Variants in TCF7L1 observed in about 807,000 individuals in gnomAD.
TCF7L1 encodes the protein transcription factor 7 like 1.
Under a neutral mutation model 63.7 loss-of-function variants are expected in TCF7L1, and 18 were observed. The ratio of observed to expected loss-of-function variants is 0.28; its 90% CI spans 0.20 to 0.42. The LOEUF is 0.42. TCF7L1 is among the 10% of genes least tolerant of loss of function. The pLI is 1.00. For synonymous variants in TCF7L1, 355 were observed against 340.9 expected (o/e 1.04, Z -0.46); for missense variants, 654 against 779.3 (o/e 0.84, Z 1.91).
intron 3 of TCF7L1, among the ~76,000 whole-genome samples, chr2:85,231,370 G>A (rs536697300): frequency 6.6e-6 from 1 of 152,366 alleles, no homozygotes; most frequent in Admixed American, 6.5e-5. Flanking sequence ...TGTTGGCTGA[G>A]ATGACAGAGT....
chr2:85,211,979 A>T (rs1679559078), intron 3 of TCF7L1, among the ~76,000 whole-genome samples: 1 of 149,846 alleles, frequency 6.7e-6, no homozygotes, highest in Non-Finnish European at 1.5e-5. Flanking sequence ...AATCCCAGCT[A>T]CTCGGGATGC....
intron 4 of TCF7L1, among the ~76,000 whole-genome samples, chr2:85,298,683 C>G (rs1681891646): frequency 6.6e-6 from 1 of 150,550 alleles, no homozygotes; most frequent in Non-Finnish European, 1.5e-5. Flanking sequence ...TTGGATGCAT[C>G]TGGATTCAGC....
At chr2:85,135,251 GA>G (rs1677565551) in intron 3 of TCF7L1, among the ~76,000 whole-genome samples, 1 of 152,178 alleles carries the variant, frequency 6.6e-6, no homozygotes, top group South Asian at 2.1e-4. Context: ...CCCGCGTTGC[GA>G]GGGGCGCAGC....
At chr2:85,153,215 G>A (rs1213346625) in intron 3 of TCF7L1, among the ~76,000 whole-genome samples, 2 of 152,146 alleles carry the variant, frequency 1.3e-5, no homozygotes, top group East Asian at 3.9e-4. Flanking sequence ...TAGTTGCAAA[G>A]ATTAAATAAG....
chr2:85,259,827 G>C (rs1680815474), intron 3 of TCF7L1, among the ~76,000 whole-genome samples: 1 of 152,154 alleles, frequency 6.6e-6, no homozygotes, highest in African/African-American at 2.4e-5. Context: ...CGGGGATGTT[G>C]AATGAGGAAA....
intron 3 of TCF7L1, among the ~76,000 whole-genome samples, chr2:85,218,883 G>A (rs1679776037): frequency 6.6e-6 from 1 of 152,206 alleles, no homozygotes; most frequent in Admixed American, 6.5e-5. Context: ...GATGTTCAGA[G>A]CCAGGAGCAC....
At chr2:85,196,377 A>C (rs1412985613) in intron 3 of TCF7L1, among the ~76,000 whole-genome samples, 2 of 152,210 alleles carry the variant, frequency 1.3e-5, no homozygotes, top group African/African-American at 4.8e-5. Flanking sequence ...CTATAGGCGC[A>C]GGCCACTGCA....
intron 3 of TCF7L1, among the ~76,000 whole-genome samples, chr2:85,218,639 T>A (rs374956232): frequency 6.7e-6 from 1 of 149,970 alleles, no homozygotes; most frequent in South Asian, 2.1e-4. Flanking sequence ...TTTATTCCAA[T>A]GGGGGGGGGA....
chr2:85,308,159 G>A (rs1682162237), intron 11 of TCF7L1, among the ~76,000 whole-genome samples: 1 of 152,020 alleles, frequency 6.6e-6, no homozygotes, highest in Non-Finnish European at 1.5e-5. Context: ...CTTGGGTTTA[G>A]GAGGCACTTT....
intron 3 of TCF7L1, among the ~76,000 whole-genome samples, chr2:85,274,057 C>T (rs927147683): frequency 2.6e-5 from 4 of 152,144 alleles, no homozygotes; most frequent in Non-Finnish European, 5.9e-5. Flanking sequence ...AGGCACACAG[C>T]GACAGGGGAG....
At chr2:85,194,196 G>A (rs1226565213) in intron 3 of TCF7L1, among the ~76,000 whole-genome samples, 2 of 152,202 alleles carry the variant, frequency 1.3e-5, no homozygotes, top group African/African-American at 4.8e-5. Flanking sequence ...GATTACCTTC[G>A]GGAAATGATG....
At chr2:85,149,331 G>GTATATATA (rs1677954768) in intron 3 of TCF7L1, among the ~76,000 whole-genome samples, 1 of 122,142 alleles carries the variant, frequency 8.2e-6, no homozygotes, top group African/African-American at 3.0e-5. Context: ...ATACACATAT[G>GTATATATA]TGTGTATATG....
intron 4 of TCF7L1, among the ~76,000 whole-genome samples, chr2:85,285,105 C>T (rs554142234): frequency 3.3e-5 from 5 of 152,090 alleles, no homozygotes; most frequent in South Asian, 2.1e-4. Flanking sequence ...TGGTGGCGGG[C>T]GCCTGTAGTC....
At chr2:85,161,136 G>C (rs771678973) in intron 3 of TCF7L1, among the ~76,000 whole-genome samples, 49 of 152,192 alleles carry the variant, frequency 3.2e-4, no homozygotes, top group Non-Finnish European at 6.3e-4. Flanking sequence ...CCTGATTACT[G>C]TAACAGCTTC....
At chr2:85,273,103 G>A (rs1681190027) in intron 3 of TCF7L1, among the ~76,000 whole-genome samples, 1 of 152,272 alleles carries the variant, frequency 6.6e-6, no homozygotes, top group African/African-American at 2.4e-5. Context: ...AGGGAAAGGG[G>A]GAGAACCAGA....
chr2:85,147,823 G>C (rs1434602973), intron 3 of TCF7L1, among the ~76,000 whole-genome samples: 2 of 152,162 alleles, frequency 1.3e-5, no homozygotes, highest in Non-Finnish European at 2.9e-5. Flanking sequence ...GCATGTGTGG[G>C]TGTAACTTTA....
chr2:85,140,832 A>G (rs1205996499), intron 3 of TCF7L1, among the ~76,000 whole-genome samples: 1 of 152,078 alleles, frequency 6.6e-6, no homozygotes, highest in African/African-American at 2.4e-5. Context: ...TTGCACTCCA[A>G]CCTGGGCAAC....
At chr2:85,281,982 A>G (rs1681430533) in intron 3 of TCF7L1, among the ~76,000 whole-genome samples, 1 of 142,602 alleles carries the variant, frequency 7.0e-6, no homozygotes, top group Non-Finnish European at 1.5e-5. Flanking sequence ...GGATGATTCA[A>G]AGGCTTCTTT....
chr2:85,175,435 CT>C lies in TCF7L1; in HGVS notation c.441+40986del, dbSNP rs998283484. Among the ~76,000 whole-genome samples the C allele has an allele frequency of 5.3e-5, 8 of 152,362 alleles. 1 individual carries two copies. The highest frequency in any genetic ancestry group is 3.4e-3 in the Middle Eastern group (1 of 294). On this transcript the variant is annotated intron_variant, in intron 3 of 11. Transcript: ENST00000282111. ...GCCTGGCCACCATCCAGCAAGACCC[CT>C]GATAACGTCCATGCAGTGGGGAGCC... is the stretch of plus-strand genomic sequence containing the variant.
Sources: gnomAD v4.1 joint callset for allele counts (sites outside exome capture counted in the v4.1 genomes callset) on GRCh38, gnomAD v4.1.1 for gene constraint, MANE v1.5 for transcripts, NCBI Gene and HGNC (gene_info 2026-07-23, HGNC 2026-07-21) for gene names.